Variants in SYNJ2 observed in about 807,000 individuals in gnomAD.
SYNJ2 encodes synaptojanin 2.
SYNJ2 carries 116 observed loss-of-function variants against 141.3 expected under a neutral mutation model. That is an observed-to-expected ratio of 0.82 (90% CI 0.71 to 0.96). The LOEUF (loss-of-function observed/expected upper bound fraction) is 0.96, where lower values mean the gene tolerates loss of function less well. Among genes scored for constraint, SYNJ2 ranks in the 40% least tolerant of loss-of-function variants. The pLI, the probability that SYNJ2 is intolerant of heterozygous loss-of-function variation, is 0.00. For synonymous variants in SYNJ2, 745 were observed against 777.7 expected (o/e 0.96, Z 0.70); for missense variants, 1,873 against 1,934.8 (o/e 0.97, Z 0.60).
In SYNJ2 at chr6:158,061,948, C is replaced by T. The variant is rs747594201; in HGVS notation, c.955-44C>T. On this transcript the variant is annotated intron_variant, in intron 7 of 26. Transcript: ENST00000355585. ...GCAAGGAGCTTGCCCTCCTCGTCCT[C>T]CCTTCCCTCTGCTCCCCTCACCGCC... 41 of 1,595,242 alleles carry T rather than the reference C, an allele frequency of 2.6e-5. 1 individual carries two copies. In the South Asian group the frequency reaches 4.5e-4, roughly 17 times the overall value.
chr6:158,072,008 T>G (rs922955618), intron 15 of SYNJ2, among the ~76,000 whole-genome samples: 2 of 152,224 alleles, frequency 1.3e-5, no homozygotes, highest in African/African-American at 4.8e-5. Flanking sequence ...CTTTGCAGCA[T>G]TTCCCGTTGC....
chr6:158,073,330 T>C (rs1287113430), intron 15 of SYNJ2, among the ~76,000 whole-genome samples: 1 of 74,194 alleles, frequency 1.3e-5, no homozygotes, highest in Non-Finnish European at 2.9e-5. Flanking sequence ...CCTGAGTAAT[T>C]GGGATTACAG....
At chr6:158,044,209 A>G (rs969979819) in intron 5 of SYNJ2, among the ~76,000 whole-genome samples, 1 of 152,184 alleles carries the variant, frequency 6.6e-6, no homozygotes, top group Non-Finnish European at 1.5e-5. Context: ...GCCAGTGGCT[A>G]CTGGGGCCCA....
intron 26 of SYNJ2, 84 bp downstream of exon 26, chr6:158,093,188 C>A: frequency 2.1e-6 from 3 of 1,440,322 alleles, no homozygotes; most frequent in Non-Finnish European, 1.9e-6. Flanking sequence ...GTAATCCCAG[C>A]ACATTGGGAA....
At position 158,078,210 on chromosome 6, in the gene SYNJ2, A is replaced by C. The variant is rs1296437772; in HGVS notation, c.2496A>C (p.Lys832Asn). ...ACAGTGATCTAGATGTTGACACCAA[A>C]GTCAGACACACCTGGTCTCCTGGTG... ...LLDSDLDVDTKVRHTWSPGAL... is the reference protein window; with the variant it reads ...LLDSDLDVDTNVRHTWSPGAL... The change falls in exon 18 of 27, where the codon AAA becomes AAC. Residue 832 changes from lysine (K) to asparagine (N), a missense_variant. Lys to Asn is a moderately conservative substitution (Grantham distance 94). Coordinates refer to ENST00000355585, the MANE Select transcript of SYNJ2 (RefSeq NM_003898.4). 6.2e-7 allele frequency: 1 copy of C among 1,613,988 alleles called. No individual in the cohort carries two copies. The highest frequency in any genetic ancestry group is 8.5e-7 in the Non-Finnish European group (1 of 1,179,994).
chr6:158,075,003 T>A (rs751543861), intron 16 of SYNJ2, among the ~76,000 whole-genome samples: 15 of 99,818 alleles, frequency 1.5e-4, no homozygotes, highest in South Asian at 4.0e-4. Context: ...CTATCTTGGC[T>A]CACTGCAACC....
At position 157,982,716 on chromosome 6, in the gene SYNJ2, GGGCTTT is replaced by G. The variant is rs1777059830; in HGVS notation, c.127+629_127+634del. Among the ~76,000 whole-genome samples, 1 of 152,164 alleles carries G rather than the reference GGGCTTT, an allele frequency of 6.6e-6. No individual in the cohort carries two copies. The highest frequency in any genetic ancestry group is 2.1e-4 in the South Asian group (1 of 4,826). The stretch of plus-strand genomic sequence containing the variant: ...AGCCTTGAAACTGGCATTGTGCTAT[GGGCTTT>G]AGTACGTGATCTCACTTAATTCTCA... On this transcript the variant is annotated intron_variant, in intron 1 of 26. Coordinates refer to ENST00000355585, the MANE Select transcript of SYNJ2 (RefSeq NM_003898.4). The surrounding 1 kb of genome is among the most constrained non-coding windows in gnomAD (Gnocchi z 4.0).
At chr6:158,004,755 G>C (rs1400276226) in intron 1 of SYNJ2, among the ~76,000 whole-genome samples, 3 of 152,096 alleles carry the variant, frequency 2.0e-5, no homozygotes, top group Non-Finnish European at 1.5e-5. Context: ...GTCTGGATCG[G>C]GACCCCTTTC....
At chr6:158,052,295 C>T (rs1300124200) in intron 5 of SYNJ2, among the ~76,000 whole-genome samples, 5 of 152,192 alleles carry the variant, frequency 3.3e-5, no homozygotes, top group African/African-American at 1.2e-4. Context: ...ATGTCCTTCA[C>T]CCAGATTCAC....
chr6:158,095,102 T>G (rs1328513579), intron 26 of SYNJ2, among the ~76,000 whole-genome samples: 3 of 151,896 alleles, frequency 2.0e-5, no homozygotes, highest in African/African-American at 7.3e-5. Flanking sequence ...TGAGCTGAGA[T>G]TGCGCCATTG....
Position 158,047,648 on chromosome 6 carries a change from G to T in SYNJ2, c.795+4249G>T, listed in dbSNP as rs559811101. 1.3e-4 allele frequency among the ~76,000 whole-genome samples: 20 copies of T among 151,866 alleles called. 1 individual carries two copies. In the South Asian group the frequency reaches 2.5e-3, roughly 19 times the overall value. On this transcript the variant is annotated intron_variant, in intron 5 of 26. Coordinates refer to ENST00000355585, the MANE Select transcript of SYNJ2 (RefSeq NM_003898.4). ...AAAAATTAGCTAGGCATGGTGTCAGGTTCCTGTAATCCCAGTTATTCAGGA... is the reference window on the plus strand; with the variant it reads ...AAAAATTAGCTAGGCATGGTGTCAGTTTCCTGTAATCCCAGTTATTCAGGA...
At chr6:158,029,496 C>T (rs1008940401) in intron 3 of SYNJ2, 2 of 154,356 alleles carry the variant, frequency 1.3e-5, no homozygotes, top group South Asian at 2.0e-4. Flanking sequence ...ACCCAGGAAA[C>T]GGAGGTTGCT....
chr6:158,059,845 G>A (rs188427067), intron 7 of SYNJ2, among the ~76,000 whole-genome samples: 227 of 152,272 alleles, frequency 1.5e-3, no homozygotes, highest in African/African-American at 5.3e-3. Flanking sequence ...GTGAGCCACC[G>A]CGCCCGGCCT....
chr6:158,045,866 T>C (rs1234276698), intron 5 of SYNJ2, among the ~76,000 whole-genome samples: 1 of 152,214 alleles, frequency 6.6e-6, no homozygotes, highest in Non-Finnish European at 1.5e-5. Flanking sequence ...TCTCAGCTTT[T>C]TGGCAGCTGT....
intron 3 of SYNJ2, among the ~76,000 whole-genome samples, chr6:158,031,662 G>A (rs866854100): frequency 1.3e-5 from 2 of 151,872 alleles, no homozygotes; most frequent in Admixed American, 6.5e-5. Context: ...TGGGGTCAAC[G>A]CTCAGCGTGG....
rs571859616 is a variant in SYNJ2, at chr6:158,095,021, C to T, written c.3745-597C>T. ...AAAATTAGCCAGGCATGGTGGCAGGCGCCTGCAATCCCAGCTACTCGGGAG... is the reference window on the plus strand; with the variant it reads ...AAAATTAGCCAGGCATGGTGGCAGGTGCCTGCAATCCCAGCTACTCGGGAG... On this transcript the variant is annotated intron_variant, in intron 26 of 26. Coordinates refer to ENST00000355585, the MANE Select transcript of SYNJ2 (RefSeq NM_003898.4). 1.4e-4 allele frequency among the ~76,000 whole-genome samples: 22 copies of T among 152,110 alleles called. No homozygotes were observed. In the East Asian group the frequency reaches 3.1e-3, roughly 21 times the overall value.
At chr6:158,079,999 T>A (rs1300202192) in intron 18 of SYNJ2, among the ~76,000 whole-genome samples, 1 of 152,208 alleles carries the variant, frequency 6.6e-6, no homozygotes, top group Non-Finnish European at 1.5e-5. Context: ...CTGTGTAATT[T>A]TCGTAATATA....
chr6:157,990,952 A>AT (rs35792726), intron 1 of SYNJ2, among the ~76,000 whole-genome samples: 77,395 of 151,850 alleles, frequency 0.51, 21,176 homozygotes, highest in African/African-American at 0.72. Context: ...CTTACAAGAC[A>AT]CCTTGGGCAA....
chr6:157,994,965 T>G (rs1247970575), intron 1 of SYNJ2, among the ~76,000 whole-genome samples: 1 of 152,196 alleles, frequency 6.6e-6, no homozygotes, highest in Non-Finnish European at 1.5e-5. Flanking sequence ...TGTGTCTGAA[T>G]CTACGGCATG....
Sources: gnomAD v4.1 joint callset for allele counts (sites outside exome capture counted in the v4.1 genomes callset) on GRCh38, gnomAD v4.1.1 for gene constraint, Gnocchi (gnomAD v3.1) non-coding constraint, MANE v1.5 for transcripts, NCBI Gene and HGNC (gene_info 2026-07-23, HGNC 2026-07-21) for gene names.